Variants in HOXB5 observed in about 807,000 individuals in gnomAD.
HOXB5 encodes the protein homeobox B5.
A neutral mutation model predicts 19.6 loss-of-function variants in HOXB5; 10 were observed. That is an observed-to-expected ratio of 0.51 (90% confidence interval 0.32 to 0.87). The LOEUF is 0.87. HOXB5 is among the 40% of genes least tolerant of loss of function. HOXB5 has a pLI of 0.04. For synonymous variants in HOXB5, 167 were observed against 156.9 expected (o/e 1.06, Z -0.48); for missense variants, 353 against 369.6 (o/e 0.96, Z 0.37).
rs766660522 is a variant in HOXB5, at chr17:48,593,407, G to A, written c.276C>T (p.Cys92=). The A allele has an allele frequency of 6.2e-6, 10 of 1,606,484 alleles. No individual in the cohort carries two copies. The highest frequency in any genetic ancestry group is 8.5e-6 in the Non-Finnish European group (10 of 1,175,366). Reference sequence around the variant, plus strand: ...GCAGGGACTCGGGCGAGGACAGGGAGCAGCTCGAAGCCGCTTGCCTGAAGC... The same window carrying A: ...GCAGGGACTCGGGCGAGGACAGGGAACAGCTCGAAGCCGCTTGCCTGAAGC... ...EPRFRQAASS[C]SLSSPESLPC... is the part of the protein sequence containing the mutation. Residue 92 remains cysteine, a synonymous_variant, in exon 1 of 2, where the codon TGC becomes TGT. Transcript: ENST00000239151.
rs1436603327 is a variant in HOXB5 at position 48,592,014 on chromosome 17, A to G, written c.*195T>C. On this transcript the variant is annotated 3_prime_UTR_variant, in exon 2 of 2. Coordinates refer to ENST00000239151, the MANE Select transcript of HOXB5 (RefSeq NM_002147.4). ...AATAATAATAATAATTATTATTAACAATAATAACAAGATAACCAGTCCAGG... is the reference window on the plus strand; with the variant it reads ...AATAATAATAATAATTATTATTAACGATAATAACAAGATAACCAGTCCAGG... The G allele has an allele frequency of 2.5e-6, 1 of 400,832 alleles. No homozygotes were observed. The highest frequency in any genetic ancestry group is 4.4e-6 in the Non-Finnish European group (1 of 228,766). The allele number at this position is 400,832 out of a possible 1,614,324, so 24.8% of individuals were successfully genotyped here. A position where few individuals can be genotyped will look rare whatever the true frequency, so the allele number is the denominator to read the frequency against.
Position 48,592,266 on chromosome 17 carries a change from C to T in HOXB5, c.753G>A (p.Lys251=), listed in dbSNP as rs1182265997. The change falls in exon 2 of 2, where the codon AAG becomes AAA. Residue 251 remains lysine (K), a synonymous_variant. Coordinates refer to ENST00000239151, the MANE Select transcript of HOXB5 (RefSeq NM_002147.4). ...WFQNRRMKWK[K]DNKLKSMSLA... is the part of the protein sequence containing the mutation. ...GGCTCATACTTTTCAATTTGTTGTC[C>T]TTCTTCCACTTCATGCGCCGGTTCT... The T allele has an allele frequency of 6.2e-7, 1 of 1,613,980 alleles. No individual in the cohort carries two copies. Among genetic ancestry groups the T allele is most frequent in the African/African-American group, 1.3e-5 (1 of 74,962 alleles).
chr17:48,592,349 G>T lies in HOXB5; in HGVS notation c.670C>A (p.Arg224Ser). The change falls in exon 2 of 2, where the codon CGC becomes AGC. Residue 224 changes from arginine to serine, a missense_variant. Coordinates refer to ENST00000239151, the MANE Select transcript of HOXB5 (RefSeq NM_002147.4). ...CAGAGTGCGTGGGCGATCTCGATGCGCCGTCGCCGGGTCAGGTAGCGGTTG... is the reference window on the plus strand; with the variant it reads ...CAGAGTGCGTGGGCGATCTCGATGCTCCGTCGCCGGGTCAGGTAGCGGTTG... ...HFNRYLTRRR[R>S]IEIAHALCLS... 2 of 1,614,190 alleles carry T rather than the reference G, an allele frequency of 1.2e-6. No homozygotes were observed. The highest frequency in any genetic ancestry group is 1.7e-6 in the Non-Finnish European group (2 of 1,180,036).
rs2070153810 is a variant in HOXB5 at position 48,591,635 on chromosome 17, C to T, written c.*574G>A. ...TACCATCCCTTTGGTCCTCCCTAGC[C>T]CCTTCCCACCCTAGGACCAAGCCCC... On this transcript the variant is annotated 3_prime_UTR_variant, in exon 2 of 2. Coordinates refer to ENST00000239151, the MANE Select transcript of HOXB5 (RefSeq NM_002147.4). The T allele has an allele frequency of 6.5e-6, 1 of 152,774 alleles. No homozygotes were observed. The highest frequency in any genetic ancestry group is 2.4e-5 in the African/African-American group (1 of 41,404). The allele number at this position is 152,774 out of a possible 1,614,324, so 9.5% of individuals were successfully genotyped here.
In HOXB5 at chr17:48,593,302, G is replaced by T. The variant is rs1293215656; in HGVS notation, c.381C>A (p.Ser127Arg). 1.2e-6 allele frequency: 2 copies of T among 1,612,606 alleles called. No individual in the cohort carries two copies. The highest frequency in any genetic ancestry group is 1.7e-6 in the Non-Finnish European group (2 of 1,179,020). The change falls in exon 1 of 2, where the codon AGC becomes AGA. Residue 127 changes from serine (S) to arginine (R), a missense_variant. Coordinates refer to ENST00000239151, the MANE Select transcript of HOXB5 (RefSeq NM_002147.4). ...PSDQATSASS[S>R]ANFTEIDEAS... ...CCTCGTCTATTTCGGTGAAATTGGC[G>T]CTGGAGCTGGCTGAGGTCGCCTGGT...
Position 48,593,437 on chromosome 17 carries a change from C to T in HOXB5, c.246G>A (p.Glu82=). The T allele has an allele frequency of 6.2e-7, 1 of 1,610,538 alleles. No homozygotes were observed. The highest frequency in any genetic ancestry group is 8.5e-7 in the Non-Finnish European group (1 of 1,177,900). ...TCGAAGCCGCTTGCCTGAAGCGGGG[C>T]TCCTGGGCGGGCGCGGGGAAGGCGC... ...SSRAFPAPAQ[E]PRFRQAASSC... Residue 82 remains glutamate, a synonymous_variant, in exon 1 of 2, where the codon GAG becomes GAA. Coordinates refer to ENST00000239151, the MANE Select transcript of HOXB5 (RefSeq NM_002147.4).
chr17:48,593,768 G>A lies in HOXB5; in HGVS notation c.-86C>T. 1 of 924,876 alleles carries A rather than the reference G, an allele frequency of 1.1e-6. No homozygotes were observed. Among genetic ancestry groups the A allele is most frequent in the Non-Finnish European group, 1.5e-6 (1 of 660,168 alleles). 57.3% of individuals were successfully genotyped at this position (924,876 alleles called of 1,614,324 possible). A position where few individuals can be genotyped will look rare whatever the true frequency, so the allele number is the denominator to read the frequency against. ...ATTTATGATGTATTAATGAATTATAGCGATGCACTGTACTTCGTTTTGCTA... is the reference window on the plus strand; with the variant it reads ...ATTTATGATGTATTAATGAATTATAACGATGCACTGTACTTCGTTTTGCTA... On this transcript the variant is annotated 5_prime_UTR_variant, in exon 1 of 2. Coordinates refer to ENST00000239151, the MANE Select transcript of HOXB5 (RefSeq NM_002147.4).
In HOXB5 at chr17:48,593,567, G is replaced by A; in HGVS notation, c.116C>T (p.Ala39Val). ...GTAGCCGTAAGAGCCGGTGTGCATG[G>A]CAGCGGGATCCCTGTAAGAGCCGCT... ...SLSGSYRDPA[A>V]MHTGSYGYNY... The change falls in exon 1 of 2, where the codon GCC (alanine) becomes GTC (valine). Residue 39 changes from alanine (A) to valine (V), a missense_variant. Coordinates refer to ENST00000239151, the MANE Select transcript of HOXB5 (RefSeq NM_002147.4). 1.2e-6 allele frequency: 2 copies of A among 1,613,152 alleles called. No homozygotes were observed. The highest frequency in any genetic ancestry group is 8.5e-7 in the Non-Finnish European group (1 of 1,180,028).
At position 48,593,023 on chromosome 17, in the gene HOXB5, T is replaced by C. The variant is rs2070188165; in HGVS notation, c.562+98A>G. ...CTTCTCCCCCTTAGAAAAATGAATC[T>C]ATATTTAGGGTAAAGCCAAGCTCTC... On this transcript the variant is annotated intron_variant, in intron 1 of 1. Coordinates refer to ENST00000239151, the MANE Select transcript of HOXB5 (RefSeq NM_002147.4). 4 of 905,150 alleles carry C rather than the reference T, an allele frequency of 4.4e-6. No individual in the cohort carries two copies. In the Admixed American group the frequency reaches 1.1e-4, roughly 24 times the overall value. The allele number at this position is 905,150 out of a possible 1,614,324, so 56.1% of individuals were successfully genotyped here. A position where few individuals can be genotyped will look rare whatever the true frequency, so the allele number is the denominator to read the frequency against.
rs750843469 is a variant in HOXB5, at chr17:48,593,392, G to C, written c.291C>G (p.Pro97=). 1.9e-6 allele frequency: 3 copies of C among 1,602,668 alleles called. No homozygotes were observed. Among genetic ancestry groups the C allele is most frequent in the South Asian group, 2.2e-5 (2 of 89,550 alleles). ...CGCCGTTGGTGCAGGGCAGGGACTC[G>C]GGCGAGGACAGGGAGCAGCTCGAAG... ...QAASSCSLSS[P]ESLPCTNGDS... The change falls in exon 1 of 2, where the codon CCC becomes CCG. Residue 97 remains proline, a synonymous_variant. Transcript: ENST00000239151.
In HOXB5 at chr17:48,592,112, C is replaced by G; in HGVS notation, c.*97G>C. On this transcript the variant is annotated 3_prime_UTR_variant, in exon 2 of 2. Transcript: ENST00000239151. ...ACAAGGCGAGGCAGGCTTGTGGGAA[C>G]CGGTCCCCAGCGGGCGGCGGCAGAG... 2.1e-6 allele frequency: 3 copies of G among 1,421,692 alleles called. No homozygotes were observed. The highest frequency in any genetic ancestry group is 1.9e-6 in the Non-Finnish European group (2 of 1,054,098). The allele number at this position is 1,421,692 out of a possible 1,614,324, so 88.1% of individuals were successfully genotyped here. A position where few individuals can be genotyped will look rare whatever the true frequency, so the allele number is the denominator to read the frequency against.
chr17:48,592,329 T>A lies in HOXB5; in HGVS notation c.690A>T (p.Ala230=), dbSNP rs1229926547. ...TRRRRIEIAH[A]LCLSERQIKI... ...TGATCTGGCGCTCGGACAGGCAGAGTGCGTGGGCGATCTCGATGCGCCGTC... is the reference window on the plus strand; with the variant it reads ...TGATCTGGCGCTCGGACAGGCAGAGAGCGTGGGCGATCTCGATGCGCCGTC... The change falls in exon 2 of 2, where the codon GCA becomes GCT. Residue 230 remains alanine, a synonymous_variant. Coordinates refer to ENST00000239151, the MANE Select transcript of HOXB5 (RefSeq NM_002147.4). 2 of 1,614,002 alleles carry A rather than the reference T, an allele frequency of 1.2e-6. No individual in the cohort carries two copies. Among genetic ancestry groups the A allele is most frequent in the South Asian group, 1.1e-5 (1 of 91,050 alleles).
In HOXB5 at chr17:48,593,713, A is replaced by G. The variant is rs1339740168; in HGVS notation, c.-31T>C. The G allele has an allele frequency of 6.4e-7, 1 of 1,567,828 alleles. No individual in the cohort carries two copies. The highest frequency in any genetic ancestry group is 8.7e-7 in the Non-Finnish European group (1 of 1,148,070). ...TGATTTTGGAGGGCTTGATTTGTGG[A>G]TCGTGGTCGTTATAACCCTGTGCTT... On this transcript the variant is annotated 5_prime_UTR_variant, in exon 1 of 2. Coordinates refer to ENST00000239151, the MANE Select transcript of HOXB5 (RefSeq NM_002147.4).
In HOXB5 at chr17:48,592,352, G is replaced by A; in HGVS notation, c.667C>T (p.Arg223Trp). ...AGTGCGTGGGCGATCTCGATGCGCC[G>A]TCGCCGGGTCAGGTAGCGGTTGAAG... ...FHFNRYLTRR[R>W]RIEIAHALCL... Residue 223 changes from arginine to tryptophan, a missense_variant, in exon 2 of 2, where the codon CGG becomes TGG. Arg to Trp is a moderately radical substitution (Grantham distance 101). Coordinates refer to ENST00000239151, the MANE Select transcript of HOXB5 (RefSeq NM_002147.4). 1 of 1,614,186 alleles carries A rather than the reference G, an allele frequency of 6.2e-7. No individual in the cohort carries two copies. Among genetic ancestry groups the A allele is most frequent in the Non-Finnish European group, 8.5e-7 (1 of 1,180,042 alleles).
chr17:48,593,191 G>A lies in HOXB5; in HGVS notation c.492C>T (p.Thr164=). 1 of 1,606,260 alleles carries A rather than the reference G, an allele frequency of 6.2e-7. No homozygotes were observed. The highest frequency in any genetic ancestry group is 1.7e-4 in the Middle Eastern group (1 of 5,830). ...LARAQPEPMA[T]STAAPEGQTP... is the part of the protein sequence containing the mutation. ...TCTGCCCCTCGGGCGCGGCTGTGGA[G>A]GTGGCCATGGGCTCTGGCTGCGCCC... Residue 164 remains threonine, a synonymous_variant, in exon 1 of 2, where the codon ACC becomes ACT. Coordinates refer to ENST00000239151, the MANE Select transcript of HOXB5 (RefSeq NM_002147.4).
Position 48,593,513 on chromosome 17 carries a change from T to C in HOXB5, c.170A>G (p.Asn57Ser), listed in dbSNP as rs962823727. ...GTGGCTGGAGGAGGCCGAGGAGCGGTTGACGCTGAGGTCCATCCCATTGTA... is the reference window on the plus strand; with the variant it reads ...GTGGCTGGAGGAGGCCGAGGAGCGGCTGACGCTGAGGTCCATCCCATTGTA... ...YNYNGMDLSVNRSSASSSHFG... is the reference protein window; with the variant it reads ...YNYNGMDLSVSRSSASSSHFG... The change falls in exon 1 of 2, where the codon AAC becomes AGC. Residue 57 changes from asparagine to serine, a missense_variant. Asn to Ser is a conservative substitution (Grantham distance 46). Transcript: ENST00000239151. The C allele has an allele frequency of 6.2e-7, 1 of 1,613,238 alleles. No homozygotes were observed. Among genetic ancestry groups the C allele is most frequent in the Non-Finnish European group, 8.5e-7 (1 of 1,179,944 alleles).
chr17:48,592,109 G>A lies in HOXB5; in HGVS notation c.*100C>T. 2 of 1,401,058 alleles carry A rather than the reference G, an allele frequency of 1.4e-6. No homozygotes were observed. Among genetic ancestry groups the A allele is most frequent in the Non-Finnish European group, 1.9e-6 (2 of 1,035,896 alleles). The allele number at this position is 1,401,058 out of a possible 1,614,324, so 86.8% of individuals were successfully genotyped here. Reference sequence around the variant, plus strand: ...AACACAAGGCGAGGCAGGCTTGTGGGAACCGGTCCCCAGCGGGCGGCGGCA... The same window carrying A: ...AACACAAGGCGAGGCAGGCTTGTGGAAACCGGTCCCCAGCGGGCGGCGGCA... On this transcript the variant is annotated 3_prime_UTR_variant, in exon 2 of 2. Transcript: ENST00000239151.
In HOXB5 at chr17:48,593,333, G is replaced by A. The variant is rs150923692; in HGVS notation, c.350C>T (p.Pro117Leu). The A allele has an allele frequency of 3.3e-4, 535 of 1,609,302 alleles. No homozygotes were observed. The highest frequency in any genetic ancestry group is 2.8e-3 in the Middle Eastern group (17 of 6,032). ...GCTGGCTGAGGTCGCCTGGTCGGAG[G>A]GGGACGAAGCAGAGGGCTTGGCGCC... ...SHGAKPSASS[P>L]SDQATSASSS... The change falls in exon 1 of 2, where the codon CCC (proline) becomes CTC (leucine). Residue 117 changes from proline to leucine, a missense_variant. Transcript: ENST00000239151.
chr17:48,593,003 C>T (rs1252439896), intron 1 of HOXB5, 118 bp downstream of exon 1: 1 of 762,824 alleles, frequency 1.3e-6, no homozygotes, highest in South Asian at 2.3e-5. Context: ...AGATACTTCT[C>T]CCCCTTAGAA....
Sources: gnomAD v4.1 joint callset for allele counts on GRCh38, gnomAD v4.1.1 for gene constraint, MANE v1.5 for transcripts, NCBI Gene and HGNC (gene_info 2026-07-23, HGNC 2026-07-21) for gene names.